ADAM7: variants seen among roughly 807,000 people sequenced by gnomAD.
ADAM7 encodes the protein ADAM metallopeptidase domain 7.
In ADAM7, 97 loss-of-function variants were observed where a neutral mutation model predicts 102.9. The observed-to-expected ratio is 0.94, with a 90% CI of 0.80 to 1.12. ADAM7 has a LOEUF of 1.12. ADAM7 is among the 50% of genes most tolerant of loss of function. The pLI, the probability that ADAM7 is intolerant of heterozygous loss-of-function variation, is 0.00. For missense variants in ADAM7, 991 were observed against 908.7 expected (o/e 1.09, Z -1.16); for synonymous variants, 334 against 304.4 (o/e 1.10, Z -1.01).
chr8:24,441,864 G>A (rs1218061090), intron 1 of ADAM7, among the ~76,000 whole-genome samples: 1 of 152,138 alleles, frequency 6.6e-6, no homozygotes, highest in African/African-American at 2.4e-5. Flanking sequence ...CCAGAGGTTG[G>A]CATGAGGATA....
chr8:24,442,621 C>A, intron 2 of ADAM7, 45 bp downstream of exon 2: 2 of 1,466,152 alleles, frequency 1.4e-6, no homozygotes, highest in Non-Finnish European at 1.9e-6. Context: ...CTTTCACAGG[C>A]ATGTAGACAG....
At chr8:24,458,170 C>A (rs888144703) in intron 3 of ADAM7, among the ~76,000 whole-genome samples, 1 of 152,112 alleles carries the variant, frequency 6.6e-6, no homozygotes, top group Admixed American at 6.6e-5. Context: ...AGGTCCTTTG[C>A]ATTTCTATAT....
chr8:24,506,161 G>T (rs73548743), intron 20 of ADAM7: 5 of 1,546,360 alleles, frequency 3.2e-6, no homozygotes, highest in South Asian at 1.2e-5. Context: ...ACACTGGTAC[G>T]TTCCCCTCCC....
chr8:24,446,160 T>C (rs1189345930), intron 2 of ADAM7, among the ~76,000 whole-genome samples: 1 of 152,150 alleles, frequency 6.6e-6, no homozygotes, highest in Non-Finnish European at 1.5e-5. Flanking sequence ...CCAACAACTG[T>C]GAATCTTAAA....
chr8:24,476,616 C>A, intron 8 of ADAM7, 112 bp downstream of exon 8: 2 of 683,350 alleles, frequency 2.9e-6, no homozygotes, highest in Non-Finnish European at 4.6e-6. Context: ...GAGTACAAAG[C>A]ACAAAGACTA....
chr8:24,509,561 A>G lies in ADAM7; in HGVS notation c.*1015A>G, dbSNP rs925010887. 5.1e-6 allele frequency: 5 copies of G among 984,512 alleles called. No individual in the cohort carries two copies. Among genetic ancestry groups the G allele is most frequent in the African/African-American group, 1.7e-5 (1 of 57,212 alleles). 61.0% of individuals were successfully genotyped at this position (984,512 alleles called of 1,614,324 possible). A position where few individuals can be genotyped will look rare whatever the true frequency, so the allele number is the denominator to read the frequency against. On this transcript the variant is annotated 3_prime_UTR_variant, in exon 22 of 22. Coordinates refer to ENST00000175238, the MANE Select transcript of ADAM7 (RefSeq NM_003817.4). The stretch of plus-strand genomic sequence containing the variant: ...ATAAATAAAGGCTACAAAAGAAGGA[A>G]GAAAGGCTGTTGTCCTTGTTGACAT...
At chr8:24,503,829 G>C (rs1820848357) in intron 20 of ADAM7, among the ~76,000 whole-genome samples, 1 of 151,940 alleles carries the variant, frequency 6.6e-6, no homozygotes, top group Non-Finnish European at 1.5e-5. Flanking sequence ...TGAGCAATGA[G>C]AACACATGGA....
intron 7 of ADAM7, among the ~76,000 whole-genome samples, chr8:24,470,984 C>T (rs893237334): frequency 3.9e-5 from 6 of 152,026 alleles, no homozygotes; most frequent in African/African-American, 1.4e-4. Context: ...TAAAGACCTT[C>T]AGTGGGACAA....
At chr8:24,456,943 T>G (rs1418893527) in intron 3 of ADAM7, among the ~76,000 whole-genome samples, 1 of 152,124 alleles carries the variant, frequency 6.6e-6, no homozygotes, top group African/African-American at 2.4e-5. Context: ...TAAACATATG[T>G]TTTCATTTCT....
intron 20 of ADAM7, among the ~76,000 whole-genome samples, chr8:24,504,406 G>C (rs946080027): frequency 2.7e-5 from 4 of 150,652 alleles, no homozygotes; most frequent in Non-Finnish European, 5.9e-5. Context: ...GACAAAACCT[G>C]TAAGGAAAGA....
At position 24,450,963 on chromosome 8, in the gene ADAM7, C is replaced by T. The variant is rs532854909; in HGVS notation, c.233+3701C>T. ...ATGCTAGATTACATTTATTGATTTG[C>T]GTATATTGAACCAGCCTTGCATCCC... On this transcript the variant is annotated intron_variant, in intron 3 of 21. Coordinates refer to ENST00000175238, the MANE Select transcript of ADAM7 (RefSeq NM_003817.4). 7.9e-5 allele frequency among the ~76,000 whole-genome samples: 12 copies of T among 151,018 alleles called. No individual in the cohort carries two copies. The South Asian group carries it at 8.4e-4, about 11-fold the overall frequency.
chr8:24,500,612 A>G (rs1820725884), intron 18 of ADAM7, among the ~76,000 whole-genome samples, 178 bp from the exon 19 acceptor site: 1 of 152,192 alleles, frequency 6.6e-6, no homozygotes, highest in Non-Finnish European at 1.5e-5. Context: ...TGCAAATACA[A>G]ATGATAATTT....
intron 8 of ADAM7, among the ~76,000 whole-genome samples, chr8:24,478,172 G>A (rs1427432840): frequency 6.6e-6 from 1 of 152,082 alleles, no homozygotes; most frequent in Non-Finnish European, 1.5e-5. Flanking sequence ...CAGGCCTGGG[G>A]ATCTCAGCTT....
chr8:24,478,587 T>C (rs1819846952), intron 8 of ADAM7, among the ~76,000 whole-genome samples: 2 of 152,134 alleles, frequency 1.3e-5, no homozygotes. Context: ...CCACAGTGTG[T>C]TACTGTCCAG....
At chr8:24,454,357 G>T (rs1377700937) in intron 3 of ADAM7, among the ~76,000 whole-genome samples, 1 of 152,234 alleles carries the variant, frequency 6.6e-6, no homozygotes, top group African/African-American at 2.4e-5. Flanking sequence ...CTGGGCAATG[G>T]CGGGCGCCCC....
intron 16 of ADAM7, among the ~76,000 whole-genome samples, chr8:24,496,641 T>G (rs1820564468): frequency 6.6e-6 from 1 of 152,186 alleles, no homozygotes; most frequent in South Asian, 2.1e-4. Context: ...GGAGATCATT[T>G]TGGAGCTTTA....
intron 8 of ADAM7, among the ~76,000 whole-genome samples, chr8:24,478,406 T>A (rs1445315271): frequency 6.6e-6 from 1 of 152,164 alleles, no homozygotes; most frequent in Admixed American, 6.6e-5. Context: ...TTAAGTTAGG[T>A]CTACCCACAG....
rs1178337217 is a variant in ADAM7, at chr8:24,493,849, G to A, written c.1842+620G>A. On this transcript the variant is annotated intron_variant, in intron 16 of 21. Transcript: ENST00000175238. ...AAAAAATGCCTGCACAATATGTAAA[G>A]GTACAAAGTGTATGGCATAATTCAG... 2.0e-5 allele frequency among the ~76,000 whole-genome samples: 3 copies of A among 152,156 alleles called. No individual in the cohort carries two copies. The East Asian group carries it at 5.8e-4, about 29-fold the overall frequency.
intron 3 of ADAM7, among the ~76,000 whole-genome samples, chr8:24,449,921 G>T (rs1312841474): frequency 6.6e-6 from 1 of 152,088 alleles, no homozygotes; most frequent in African/African-American, 2.4e-5. Context: ...TTTCCCCATT[G>T]CTTGTTTTTC....
Sources: gnomAD v4.1 joint callset for allele counts (sites outside exome capture counted in the v4.1 genomes callset) on GRCh38, gnomAD v4.1.1 for gene constraint, MANE v1.5 for transcripts, NCBI Gene and HGNC (gene_info 2026-07-23, HGNC 2026-07-21) for gene names.